The following CYB5R4 variants were observed in gnomAD, a reference collection of about 807,000 sequenced individuals.
CYB5R4 encodes the protein N-terminal cytochrome b5 and cytochrome b5 oxidoreductase domain-containing protein.
CYB5R4 carries 55 observed loss-of-function variants against 70.2 expected under a neutral mutation model. That is an observed-to-expected ratio of 0.78 (90% CI 0.63 to 0.98). CYB5R4 has a LOEUF of 0.98. Ranked by LOEUF, CYB5R4 falls within the 50% of genes least tolerant of loss-of-function variation. The pLI is 0.00. For synonymous variants in CYB5R4, 197 were observed against 199.5 expected (o/e 0.99, Z 0.11); for missense variants, 562 against 612.6 (o/e 0.92, Z 0.87).
chr6:83,965,876 A>G lies in CYB5R4; in HGVS notation c.*5998A>G, dbSNP rs1483620205. On this transcript the variant is annotated 3_prime_UTR_variant, in exon 16 of 16. Transcript: ENST00000369681. ...AAGTCTCATGAGATCTGATGGTTTC[A>G]TCAGGGGGTTCCGCTTTTGCATCTT... is the stretch of plus-strand genomic sequence containing the variant. 6.6e-6 allele frequency: 1 copy of G among 152,268 alleles called. No homozygotes were observed. The highest frequency in any genetic ancestry group is 2.4e-5 in the African/African-American group (1 of 41,432). The allele number at this position is 152,268 out of a possible 1,614,324, so 9.4% of individuals were successfully genotyped here.
At chr6:83,893,483 A>G (rs1156745323) in intron 2 of CYB5R4, 39 bp from the exon 3 acceptor site, 1 of 1,195,778 alleles carries the variant, frequency 8.4e-7, no homozygotes, top group Middle Eastern at 2.0e-4. Context: ...ATTTTTGAGA[A>G]GTTCATTTAG....
chr6:83,928,946 T>C (rs187811874), intron 10 of CYB5R4, among the ~76,000 whole-genome samples: 28 of 152,312 alleles, frequency 1.8e-4, no homozygotes, highest in African/African-American at 6.5e-4. Context: ...TGAATTCTTT[T>C]ATTTCTGCTG....
chr6:83,948,318 G>A lies in CYB5R4; in HGVS notation c.1347-6980G>A, dbSNP rs147882983. 3.1e-3 allele frequency among the ~76,000 whole-genome samples: 473 copies of A among 152,260 alleles called. 4 individuals carry two copies. Among genetic ancestry groups the A allele is most frequent in the Non-Finnish European group, 5.5e-3 (373 of 68,014 alleles). ...TACTCATAAGTGGGAGTTGAACAAT[G>A]AGAACATATGGGCACAGGAAGGGGA... On this transcript the variant is annotated intron_variant, in intron 14 of 15. Transcript: ENST00000369681.
rs1394414411 is a variant in CYB5R4 at position 83,955,203 on chromosome 6, G to A, written c.1347-95G>A. 7 of 1,002,170 alleles carry A rather than the reference G, an allele frequency of 7.0e-6. No homozygotes were observed. The African/African-American group carries it at 8.2e-5, about 12-fold the overall frequency. The allele number at this position is 1,002,170 out of a possible 1,614,324, so 62.1% of individuals were successfully genotyped here. Reference sequence around the variant, plus strand: ...TAAGTGTATCTTTATATATTAAATTGTTCCTTTAGGGGAGAAATATATTCT... The same window carrying A: ...TAAGTGTATCTTTATATATTAAATTATTCCTTTAGGGGAGAAATATATTCT... On this transcript the variant is annotated intron_variant, in intron 14 of 15. Transcript: ENST00000369681.
intron 14 of CYB5R4, among the ~76,000 whole-genome samples, chr6:83,942,672 G>A (rs373802011): frequency 3.9e-4 from 59 of 152,224 alleles, no homozygotes; most frequent in Non-Finnish European, 5.6e-4. Context: ...CTTGCTCAGC[G>A]GATCCCACCC....
At chr6:83,882,242 G>A (rs755854966) in intron 2 of CYB5R4, among the ~76,000 whole-genome samples, 5 of 152,168 alleles carry the variant, frequency 3.3e-5, no homozygotes, top group Non-Finnish European at 5.9e-5. Flanking sequence ...GAAAACTCAG[G>A]TGGAGACTCA....
rs932479626 is a variant in CYB5R4 at position 83,966,818 on chromosome 6, C to T, written c.*6940C>T. The T allele has an allele frequency of 6.6e-6, 1 of 152,066 alleles. No homozygotes were observed. Among genetic ancestry groups the T allele is most frequent in the Non-Finnish European group, 1.5e-5 (1 of 68,004 alleles). The allele number at this position is 152,066 out of a possible 1,614,324, so 9.4% of individuals were successfully genotyped here. On this transcript the variant is annotated 3_prime_UTR_variant, in exon 16 of 16. Coordinates refer to ENST00000369681, the MANE Select transcript of CYB5R4 (RefSeq NM_016230.4). ...AATCAAAGGAAAAGAATACTAAAAA[C>T]TCTACTTAATGAAAAATCATCCTGA...
rs2099473861 is a variant in CYB5R4 at position 83,965,122 on chromosome 6, C to T, written c.*5244C>T. On this transcript the variant is annotated 3_prime_UTR_variant, in exon 16 of 16. Coordinates refer to ENST00000369681, the MANE Select transcript of CYB5R4 (RefSeq NM_016230.4). ...AAGGGAAATGTGGGGTTGGAGCCCCCTCACAGAGTCCCTACTGGGACACCG... is the reference window on the plus strand; with the variant it reads ...AAGGGAAATGTGGGGTTGGAGCCCCTTCACAGAGTCCCTACTGGGACACCG... The T allele has an allele frequency of 1.3e-5, 2 of 152,310 alleles. No individual in the cohort carries two copies. The highest frequency in any genetic ancestry group is 4.8e-5 in the African/African-American group (2 of 41,462). 9.4% of individuals were successfully genotyped at this position (152,310 alleles called of 1,614,324 possible). A position where few individuals can be genotyped will look rare whatever the true frequency, so the allele number is the denominator to read the frequency against.
At chr6:83,910,910 G>C (rs989484964) in intron 4 of CYB5R4, among the ~76,000 whole-genome samples, 1 of 152,198 alleles carries the variant, frequency 6.6e-6, no homozygotes, top group Non-Finnish European at 1.5e-5. Flanking sequence ...GGATTTTTCA[G>C]AATATGTGGA....
At chr6:83,893,385 T>C in intron 2 of CYB5R4, 137 bp from the exon 3 acceptor site, 1 of 580,020 alleles carries the variant, frequency 1.7e-6, no homozygotes, top group East Asian at 3.0e-5. Flanking sequence ...CCTTTACAGT[T>C]AGTTCTTGAT....
chr6:83,956,093 A>G (rs939517418), intron 15 of CYB5R4, among the ~76,000 whole-genome samples: 1 of 152,216 alleles, frequency 6.6e-6, no homozygotes, highest in African/African-American at 2.4e-5. Context: ...TGGCTGTTCT[A>G]AGTGCCCTAT....
chr6:83,959,889 T>A lies in CYB5R4; in HGVS notation c.*11T>A, dbSNP rs373672482. The A allele has an allele frequency of 6.3e-6, 10 of 1,586,334 alleles. No homozygotes were observed. The South Asian group carries it at 1.2e-4, about 18-fold the overall frequency. On this transcript the variant is annotated 3_prime_UTR_variant, in exon 16 of 16. Coordinates refer to ENST00000369681, the MANE Select transcript of CYB5R4 (RefSeq NM_016230.4). ...AGTTTTACAGCATAATGAAGAGCTGTCATTGTCCTTTATTCAACTAGTTTA... is the reference window on the plus strand; with the variant it reads ...AGTTTTACAGCATAATGAAGAGCTGACATTGTCCTTTATTCAACTAGTTTA...
chr6:83,900,281 G>GT (rs1306694181), intron 3 of CYB5R4, among the ~76,000 whole-genome samples: 1 of 152,176 alleles, frequency 6.6e-6, no homozygotes, highest in Non-Finnish European at 1.5e-5. Flanking sequence ...GTGGTGTTGA[G>GT]TGAGTTTCTT....
chr6:83,914,387 T>A, intron 4 of CYB5R4, 29 bp from the exon 5 acceptor site: 1 of 1,524,442 alleles, frequency 6.6e-7, no homozygotes. Context: ...GTATTCTTAT[T>A]TGACTTTTTT....
rs1222046179 is a variant in CYB5R4 at position 83,961,222 on chromosome 6, T to A, written c.*1344T>A. 1 of 152,234 alleles carries A rather than the reference T, an allele frequency of 6.6e-6. No individual in the cohort carries two copies. The highest frequency in any genetic ancestry group is 1.9e-4 in the East Asian group (1 of 5,200). 9.4% of individuals were successfully genotyped at this position (152,234 alleles called of 1,614,324 possible). ...TCTTCTGTAGCCAATTCCACCATCA[T>A]CATTATTCACAAAGACAGGAATCTA... On this transcript the variant is annotated 3_prime_UTR_variant, in exon 16 of 16. Transcript: ENST00000369681.
At chr6:83,911,130 T>A (rs1189765711) in intron 4 of CYB5R4, among the ~76,000 whole-genome samples, 1 of 152,116 alleles carries the variant, frequency 6.6e-6, no homozygotes, top group East Asian at 1.9e-4. Context: ...CCTGGCTAGG[T>A]GCGGTGGCTC....
At chr6:83,885,451 T>G (rs566080075) in intron 2 of CYB5R4, among the ~76,000 whole-genome samples, 3 of 152,168 alleles carry the variant, frequency 2.0e-5, no homozygotes, top group African/African-American at 7.2e-5. Flanking sequence ...AATTATTAAT[T>G]AGTGGATGTG....
rs2099473772 is a variant in CYB5R4, at chr6:83,964,436, T to C, written c.*4558T>C. ...CGGCATTTTGCCCCTGCCCTGGAGATTTGTGGAACTCTGAACTTGAGAGAG... is the reference window on the plus strand; with the variant it reads ...CGGCATTTTGCCCCTGCCCTGGAGACTTGTGGAACTCTGAACTTGAGAGAG... On this transcript the variant is annotated 3_prime_UTR_variant, in exon 16 of 16. Transcript: ENST00000369681. 1 of 152,686 alleles carries C rather than the reference T, an allele frequency of 6.5e-6. No individual in the cohort carries two copies. Among genetic ancestry groups the C allele is most frequent in the Non-Finnish European group, 1.5e-5 (1 of 68,484 alleles). The allele number at this position is 152,686 out of a possible 1,614,324, so 9.5% of individuals were successfully genotyped here.
intron 9 of CYB5R4, among the ~76,000 whole-genome samples, chr6:83,923,495 A>T (rs1440549330): frequency 6.6e-6 from 1 of 152,182 alleles, no homozygotes; most frequent in Non-Finnish European, 1.5e-5. Flanking sequence ...TGTGTTCACT[A>T]TAGGGGAGAG....
Sources: gnomAD v4.1 joint callset for allele counts (sites outside exome capture counted in the v4.1 genomes callset) on GRCh38, gnomAD v4.1.1 for gene constraint, MANE v1.5 for transcripts, NCBI Gene and HGNC (gene_info 2026-07-23, HGNC 2026-07-21) for gene names.